ATRNL1: variants seen among roughly 807,000 people sequenced by gnomAD.
ATRNL1 encodes attractin like 1, also known as attractin-like protein 1.
Under a neutral mutation model 182.7 loss-of-function variants are expected in ATRNL1, and 95 were observed. The ratio of observed to expected loss-of-function variants is 0.52; its 90% CI spans 0.44 to 0.62. The LOEUF (loss-of-function observed/expected upper bound fraction) is 0.62, where lower values mean the gene tolerates loss of function less well. ATRNL1 is among the 20% of genes least tolerant of loss of function. The pLI, the probability that ATRNL1 is intolerant of heterozygous loss-of-function variation, is 0.00. For missense variants in ATRNL1, 1,471 were observed against 1,679.5 expected, an observed-to-expected ratio of 0.88 and a Z score of 2.17; for synonymous variants, 576 against 568.3, an observed-to-expected ratio of 1.01 and a Z score of -0.19.
At chr10:115,126,257 A>G (rs1470702545) in intron 3 of ATRNL1, among the ~76,000 whole-genome samples, 2 of 152,098 alleles carry the variant, frequency 1.3e-5, no homozygotes, top group South Asian at 2.1e-4. Context: ...ATGGGGTTTC[A>G]CTGTGTTGGC....
chr10:115,444,247 G>T (rs1846846839), intron 21 of ATRNL1, among the ~76,000 whole-genome samples: 1 of 152,058 alleles, frequency 6.6e-6, no homozygotes, highest in African/African-American at 2.4e-5. Flanking sequence ...TCTTAGACAT[G>T]TTCCTCTACC....
intron 26 of ATRNL1, among the ~76,000 whole-genome samples, chr10:115,613,463 CAG>C (rs1857268137): frequency 6.6e-6 from 1 of 152,146 alleles, no homozygotes; most frequent in Admixed American, 6.6e-5. Context: ...CTGTATTCAT[CAG>C]GGGTTTTTGC....
intron 1 of ATRNL1, among the ~76,000 whole-genome samples, chr10:115,110,668 T>G (rs1325470432): frequency 6.6e-6 from 1 of 152,168 alleles, no homozygotes; most frequent in Non-Finnish European, 1.5e-5. Context: ...TTACCAGCAG[T>G]AAAAACAAAT....
intron 26 of ATRNL1, among the ~76,000 whole-genome samples, chr10:115,565,066 A>T (rs929967166): frequency 6.6e-6 from 1 of 152,004 alleles, no homozygotes; most frequent in African/African-American, 2.4e-5. Context: ...ATGCACTTAG[A>T]ATATTCTTTT....
chr10:115,262,415 C>G (rs1269561033), intron 10 of ATRNL1, among the ~76,000 whole-genome samples: 2 of 151,608 alleles, frequency 1.3e-5, no homozygotes, highest in Non-Finnish European at 2.9e-5. Context: ...ACCAGATATA[C>G]AAAAATAAGT....
intron 8 of ATRNL1, among the ~76,000 whole-genome samples, chr10:115,174,991 A>C (rs538253050): frequency 4.6e-5 from 7 of 152,116 alleles, no homozygotes; most frequent in African/African-American, 1.7e-4. Flanking sequence ...GATGCTATCT[A>C]TCTGCCTCCA....
At chr10:115,758,741 C>T (rs183895841) in intron 27 of ATRNL1, among the ~76,000 whole-genome samples, 2 of 152,334 alleles carry the variant, frequency 1.3e-5, no homozygotes, top group African/African-American at 4.8e-5. Flanking sequence ...CGCCCCTTCC[C>T]CCAGGTGCTT....
At chr10:115,886,577 T>G (rs1326813851) in intron 28 of ATRNL1, among the ~76,000 whole-genome samples, 1 of 152,248 alleles carries the variant, frequency 6.6e-6, no homozygotes, top group Non-Finnish European at 1.5e-5. Context: ...TTGTTTTGAA[T>G]GTCATGTGAT....
At chr10:115,498,584 C>G (rs575600540) in intron 24 of ATRNL1, among the ~76,000 whole-genome samples, 415 of 152,024 alleles carry the variant, frequency 2.7e-3, no homozygotes, top group Non-Finnish European at 4.5e-3. Context: ...CTCACTGTTA[C>G]TACATTCTGT....
chr10:115,389,546 A>ATATATATATATATGTG (rs1843878705), intron 19 of ATRNL1, among the ~76,000 whole-genome samples: 1 of 16,398 alleles, frequency 6.1e-5, no homozygotes, highest in Non-Finnish European at 1.3e-4. Context: ...ATGTGTATAT[A>ATATATATATATATGTG]TATATATATA....
chr10:115,861,654 C>G (rs1335750834), intron 28 of ATRNL1, among the ~76,000 whole-genome samples: 1 of 152,176 alleles, frequency 6.6e-6, no homozygotes, highest in Non-Finnish European at 1.5e-5. Context: ...TGTCTCAAGT[C>G]TTAGTAGTCA....
chr10:115,678,025 G>T (rs1241590318), intron 26 of ATRNL1, among the ~76,000 whole-genome samples: 1 of 152,070 alleles, frequency 6.6e-6, no homozygotes, highest in Non-Finnish European at 1.5e-5. Flanking sequence ...ATTTGAGTTT[G>T]GTATGGGTTT....
chr10:115,189,426 C>T (rs1298504102), intron 8 of ATRNL1, among the ~76,000 whole-genome samples: 1 of 152,040 alleles, frequency 6.6e-6, no homozygotes, highest in Non-Finnish European at 1.5e-5. Flanking sequence ...GAGCTCCATG[C>T]ATATGAATGC....
chr10:115,720,591 C>T (rs2134042452), intron 26 of ATRNL1, among the ~76,000 whole-genome samples: 1 of 152,228 alleles, frequency 6.6e-6, no homozygotes, highest in South Asian at 2.1e-4. Flanking sequence ...ACTGATTTTA[C>T]ATTGAAGTTA....
chr10:115,125,887 C>T (rs1366531171), intron 3 of ATRNL1, among the ~76,000 whole-genome samples: 1 of 152,186 alleles, frequency 6.6e-6, no homozygotes, highest in African/African-American at 2.4e-5. Context: ...TAAATGACCT[C>T]AATGCCTGGG....
intron 5 of ATRNL1, among the ~76,000 whole-genome samples, chr10:115,145,568 T>C (rs2143851688): frequency 6.6e-6 from 1 of 152,334 alleles, no homozygotes; most frequent in South Asian, 2.1e-4. Flanking sequence ...CCTTTGGAGA[T>C]TGATTTTATG....
At chr10:115,717,577 A>C (rs759597435) in intron 26 of ATRNL1, among the ~76,000 whole-genome samples, 16 of 49,968 alleles carry the variant, frequency 3.2e-4, no homozygotes, top group Non-Finnish European at 5.5e-4. Flanking sequence ...TTTGAGATGG[A>C]GTCTCGCTCT....
At chr10:115,187,070 T>C (rs1847970085) in intron 8 of ATRNL1, among the ~76,000 whole-genome samples, 1 of 151,982 alleles carries the variant, frequency 6.6e-6, no homozygotes, top group Non-Finnish European at 1.5e-5. Flanking sequence ...ATCTATGATC[T>C]CTCCCCTCAC....
rs1248266174 is a variant in ATRNL1 at position 115,511,741 on chromosome 10, TA to T, written c.3655-7517del. 4.6e-5 allele frequency among the ~76,000 whole-genome samples: 7 copies of T among 152,044 alleles called. No homozygotes were observed. The East Asian group carries it at 9.7e-4, about 21-fold the overall frequency. Reference sequence around the variant, plus strand: ...ATATTGATCATTATTATTAATTCATTAAAAATATAGCATATCTTAAATTCAA... The same window carrying T: ...ATATTGATCATTATTATTAATTCATTAAAATATAGCATATCTTAAATTCAA... On this transcript the variant is annotated intron_variant, in intron 24 of 28. Transcript: ENST00000355044.
Sources: gnomAD v4.1 joint callset for allele counts (sites outside exome capture counted in the v4.1 genomes callset) on GRCh38, gnomAD v4.1.1 for gene constraint, MANE v1.5 for transcripts, NCBI Gene and HGNC (gene_info 2026-07-23, HGNC 2026-07-21) for gene names.